The following SARAF variants were observed in gnomAD, a reference collection of about 807,000 sequenced individuals.
SARAF encodes the protein store-operated calcium entry associated regulatory factor, also known as store-operated calcium entry-associated regulatory factor.
SARAF carries 23 observed loss-of-function variants against 39.7 expected under a neutral mutation model. The ratio of observed to expected loss-of-function variants is 0.58; its 90% CI spans 0.42 to 0.82. The LOEUF is 0.82. Among genes scored for constraint, SARAF ranks in the 40% least tolerant of loss-of-function variants. SARAF has a pLI of 0.00. For synonymous variants in SARAF, 175 were observed against 168.5 expected (o/e 1.04, Z -0.30); for missense variants, 384 against 418.5 (o/e 0.92, Z 0.72).
intron 2 of SARAF, among the ~76,000 whole-genome samples, chr8:30,072,356 T>A (rs368119580): frequency 9.9e-5 from 15 of 152,216 alleles, no homozygotes; most frequent in African/African-American, 3.6e-4. Context: ...AATTATGATT[T>A]GCTAAGCTTC....
chr8:30,064,211 A>T (rs73565730), intron 5 of SARAF, among the ~76,000 whole-genome samples: 3,537 of 152,192 alleles, frequency 0.023, 141 homozygotes, highest in African/African-American at 0.081. Flanking sequence ...TCAAAGTCTA[A>T]GCCAAAAAGA....
At chr8:30,072,683 A>G (rs1801874313) in intron 2 of SARAF, among the ~76,000 whole-genome samples, 2 of 152,216 alleles carry the variant, frequency 1.3e-5, no homozygotes, top group African/African-American at 4.8e-5. Flanking sequence ...CTCTCCTGCT[A>G]CTAAACATAA....
intron 1 of SARAF, 23 bp downstream of exon 1, chr8:30,082,824 C>T (rs1407974675): frequency 1.4e-6 from 2 of 1,432,884 alleles, no homozygotes; most frequent in East Asian, 2.8e-5. Context: ...AACGAAGCGC[C>T]TGAGGGCCCT....
At chr8:30,069,149 T>TTTTTTTTTTTTTTTG in intron 3 of SARAF, among the ~76,000 whole-genome samples, 1 of 144,192 alleles carries the variant, frequency 6.9e-6, no homozygotes, top group Non-Finnish European at 1.5e-5. Flanking sequence ...TTTTTTTTTT[T>TTTTTTTTTTTTTTTG]TTTTTTTGGA....
chr8:30,074,125 G>A (rs1392305642), intron 1 of SARAF, 70 bp from the exon 2 acceptor site: 9 of 1,519,668 alleles, frequency 5.9e-6, no homozygotes, highest in South Asian at 2.5e-5. Context: ...TCATCCTAAC[G>A]AAACTCTCGT....
At chr8:30,064,235 C>T (rs1051326584) in intron 5 of SARAF, among the ~76,000 whole-genome samples, 24 of 151,982 alleles carry the variant, frequency 1.6e-4, no homozygotes, top group African/African-American at 5.8e-4. Flanking sequence ...AGGCCAGTGG[C>T]GCATAAGCCA....
chr8:30,079,697 TTA>T (rs1390833421), intron 1 of SARAF, among the ~76,000 whole-genome samples: 3 of 152,230 alleles, frequency 2.0e-5, no homozygotes, highest in Non-Finnish European at 4.4e-5. Context: ...AATTAAAATA[TTA>T]TCAACCTTGA....
At chr8:30,070,854 A>G (rs1484118657) in intron 2 of SARAF, among the ~76,000 whole-genome samples, 2 of 152,224 alleles carry the variant, frequency 1.3e-5, no homozygotes, top group African/African-American at 4.8e-5. Context: ...CAAATTTTAT[A>G]AAACCATGGA....
chr8:30,073,860 A>G lies in SARAF; in HGVS notation c.282+17T>C, dbSNP rs1489336362. Reference sequence around the variant, plus strand: ...TAAAAACCCCATTTAGACTGCCATTACTGTAGTGGATATTACCTGTACATC... The same window carrying G: ...TAAAAACCCCATTTAGACTGCCATTGCTGTAGTGGATATTACCTGTACATC... On this transcript the variant is annotated intron_variant, in intron 2 of 5. Coordinates refer to ENST00000256255, the MANE Select transcript of SARAF (RefSeq NM_016127.6). 1.2e-6 allele frequency: 2 copies of G among 1,605,826 alleles called. No homozygotes were observed. The highest frequency in any genetic ancestry group is 2.7e-5 in the African/African-American group (2 of 74,704).
chr8:30,072,185 C>A (rs1801862903), intron 2 of SARAF, among the ~76,000 whole-genome samples: 1 of 152,168 alleles, frequency 6.6e-6, no homozygotes. Flanking sequence ...ATTTGCATTT[C>A]TCTGATGGCT....
At chr8:30,076,169 G>A (rs906613216) in intron 1 of SARAF, among the ~76,000 whole-genome samples, 1 of 152,042 alleles carries the variant, frequency 6.6e-6, no homozygotes, top group African/African-American at 2.4e-5. Context: ...TGTATTCTCT[G>A]GAGAGGATAA....
rs767715490 is a variant in SARAF, at chr8:30,066,116, G to C, written c.866C>G (p.Ser289Trp). 2 of 1,614,106 alleles carry C rather than the reference G, an allele frequency of 1.2e-6. No homozygotes were observed. The highest frequency in any genetic ancestry group is 1.1e-5 in the South Asian group (1 of 91,086). ...GGGAGGATAGGACGGGTAGTACCAC[G>C]AGTCTGAGAAGGGTGTTGCCGCTCT... is the stretch of plus-strand genomic sequence containing the variant. Reference protein sequence around the residue: ...SNRAATPFSDSWYYPSYPPSY... With the variant: ...SNRAATPFSDWWYYPSYPPSY... Residue 289 changes from serine (S) to tryptophan (W), a missense_variant, in exon 5 of 6, where the codon TCG (serine) becomes TGG (tryptophan). Transcript: ENST00000256255.
At chr8:30,065,296 G>C (rs931794051) in intron 5 of SARAF, among the ~76,000 whole-genome samples, 3 of 152,124 alleles carry the variant, frequency 2.0e-5, no homozygotes, top group Admixed American at 6.5e-5. Flanking sequence ...AGTATGCATA[G>C]GTTCAATTTT....
At position 30,066,852 on chromosome 8, in the gene SARAF, T is replaced by C. The variant is rs761888630; in HGVS notation, c.767A>G (p.Tyr256Cys). 5 of 1,614,078 alleles carry C rather than the reference T, an allele frequency of 3.1e-6. No individual in the cohort carries two copies. Among genetic ancestry groups the C allele is most frequent in the Middle Eastern group, 1.6e-4 (1 of 6,084 alleles). ...CCAGAACCCTGGTCCTGAATTTTCATATCCTTGTTGTCCTGTAAAAGCACT... is the reference window on the plus strand; with the variant it reads ...CCAGAACCCTGGTCCTGAATTTTCACATCCTTGTTGTCCTGTAAAAGCACT... ...FGSAFTGQQG[Y>C]ENSGPGFWTG... is the part of the protein sequence containing the mutation. Residue 256 changes from tyrosine (Y) to cysteine (C), a missense_variant, in exon 4 of 6, where the codon TAT becomes TGT. By Grantham distance (194) the Tyr-to-Cys change is radical (BLOSUM62 -2). Coordinates refer to ENST00000256255, the MANE Select transcript of SARAF (RefSeq NM_016127.6).
rs372480927 is a variant in SARAF, at chr8:30,074,172, A to G, written c.104-117T>C. 28 of 1,112,108 alleles carry G rather than the reference A, an allele frequency of 2.5e-5. No individual in the cohort carries two copies. In the African/African-American group the frequency reaches 4.2e-4, roughly 17 times the overall value. 68.9% of individuals were successfully genotyped at this position (1,112,108 alleles called of 1,614,324 possible). On this transcript the variant is annotated intron_variant, in intron 1 of 5. Transcript: ENST00000256255. ...CCTTTCTTGCCTTCTGAGGATGGCT[A>G]AGAGAGGATGAATCTATTTCTCAAA... is the stretch of plus-strand genomic sequence containing the variant.
intron 2 of SARAF, among the ~76,000 whole-genome samples, chr8:30,073,210 T>C (rs1801884756): frequency 6.6e-6 from 1 of 152,244 alleles, no homozygotes; most frequent in Non-Finnish European, 1.5e-5. Flanking sequence ...CATAAGTTTC[T>C]TGCCTTGTGA....
chr8:30,065,855 T>C (rs891490189), intron 5 of SARAF, 133 bp downstream of exon 5: 1 of 974,142 alleles, frequency 1.0e-6, no homozygotes, highest in Admixed American at 2.0e-5. Context: ...CTCAGTTAAC[T>C]GTGCTATTAA....
chr8:30,068,872 TA>T (rs887411044), intron 3 of SARAF, among the ~76,000 whole-genome samples: 37 of 152,308 alleles, frequency 2.4e-4, no homozygotes, highest in African/African-American at 8.9e-4. Context: ...TTAATTTAAA[TA>T]AAGTCTAATT....
chr8:30,064,353 C>A (rs1251346044), intron 5 of SARAF, among the ~76,000 whole-genome samples: 3 of 151,724 alleles, frequency 2.0e-5, no homozygotes, highest in African/African-American at 7.3e-5. Flanking sequence ...CACACACAGG[C>A]TACAGGATGA....
Sources: gnomAD v4.1 joint callset for allele counts (sites outside exome capture counted in the v4.1 genomes callset) on GRCh38, gnomAD v4.1.1 for gene constraint, MANE v1.5 for transcripts, NCBI Gene and HGNC (gene_info 2026-07-23, HGNC 2026-07-21) for gene names.